The following ALOX5AP variants were observed in gnomAD, a reference collection of about 807,000 sequenced individuals.
The protein encoded by ALOX5AP is arachidonate 5-lipoxygenase-activating protein.
Under a neutral mutation model 18.5 loss-of-function variants are expected in ALOX5AP, and 9 were observed. The ratio of observed to expected loss-of-function variants is 0.49; its 90% CI spans 0.29 to 0.85. ALOX5AP has a LOEUF of 0.85. ALOX5AP is among the 40% of genes least tolerant of loss of function. ALOX5AP has a pLI of 0.08. For missense variants in ALOX5AP, 172 were observed against 202.5 expected, an observed-to-expected ratio of 0.85 and a Z score of 0.91; for synonymous variants, 81 against 78.6, an observed-to-expected ratio of 1.03 and a Z score of -0.16.
exon 1 of ALOX5AP, chr13:30,713,761 A>C: frequency 6.5e-7 from 1 of 1,535,636 alleles, no homozygotes; most frequent in Non-Finnish European, 8.7e-7. Flanking sequence ...CCTGGCATAC[A>C]CAGAAGACTC....
intron 1 of ALOX5AP, among the ~76,000 whole-genome samples, chr13:30,718,148 A>G (rs895677607): frequency 6.6e-6 from 1 of 151,560 alleles, no homozygotes; most frequent in African/African-American, 2.4e-5. Flanking sequence ...TAATAGAGAC[A>G]GGGTTTCTCC....
intron 3 of ALOX5AP, among the ~76,000 whole-genome samples, chr13:30,753,672 C>T (rs1406292770): frequency 6.6e-6 from 1 of 152,200 alleles, no homozygotes; most frequent in Non-Finnish European, 1.5e-5. Flanking sequence ...CCCAGAGGAA[C>T]AAGTGGCTTG....
At chr13:30,751,986 AT>A in intron 2 of ALOX5AP, 65 bp from the exon 3 acceptor site, 1 of 1,456,020 alleles carries the variant, frequency 6.9e-7, no homozygotes, top group South Asian at 1.2e-5. Context: ...CTTTCAGGTA[AT>A]TTTCAGACCA....
intron 1 of ALOX5AP, among the ~76,000 whole-genome samples, chr13:30,743,168 A>G (rs1016318013): frequency 2.6e-5 from 4 of 152,078 alleles, no homozygotes; most frequent in African/African-American, 9.7e-5. Context: ...CTCAATGGTC[A>G]TCTTCTTGAA....
intron 1 of ALOX5AP, among the ~76,000 whole-genome samples, chr13:30,741,879 C>G (rs1206277719): frequency 2.1e-5 from 3 of 144,992 alleles, no homozygotes; most frequent in Non-Finnish European, 4.5e-5. Flanking sequence ...TGGTTGACTC[C>G]AGGAATGCAG....
At chr13:30,752,618 A>AAATCAAC (rs1373694109) in intron 3 of ALOX5AP, among the ~76,000 whole-genome samples, 19 of 152,218 alleles carry the variant, frequency 1.2e-4, no homozygotes, top group African/African-American at 4.6e-4. Flanking sequence ...TTGGAAAGAC[A>AAATCAAC]AATCAACTTC....
In ALOX5AP at chr13:30,750,142, T is replaced by C. The variant is rs138280932; in HGVS notation, c.171-1910T>C. On this transcript the variant is annotated intron_variant, in intron 2 of 4. Transcript: ENST00000380490. ...GTGAACATTTGCATTTCTAACATGT[T>C]CTCGATGCTGCTGCCGCCTCTGGTC... Among the ~76,000 whole-genome samples, 20 of 152,262 alleles carry C rather than the reference T, an allele frequency of 1.3e-4. No individual in the cohort carries two copies. The East Asian group carries it at 3.7e-3, about 28-fold the overall frequency.
chr13:30,755,297 T>G (rs1456603731), intron 3 of ALOX5AP, among the ~76,000 whole-genome samples: 3 of 152,196 alleles, frequency 2.0e-5, no homozygotes, highest in Admixed American at 6.5e-5. Context: ...CATTGTGCTG[T>G]GGGGAGGCTC....
chr13:30,754,102 G>A (rs1951873116), intron 3 of ALOX5AP, among the ~76,000 whole-genome samples: 2 of 152,120 alleles, frequency 1.3e-5, no homozygotes. Flanking sequence ...AGCTGGGCGT[G>A]GTGGTGCATG....
At chr13:30,754,620 ATGT>A (rs1951877919) in intron 3 of ALOX5AP, among the ~76,000 whole-genome samples, 1 of 152,268 alleles carries the variant, frequency 6.6e-6, no homozygotes, top group African/African-American at 2.4e-5. Flanking sequence ...AGCGCAATAA[ATGT>A]TATTATTGAT....
chr13:30,738,627 G>T (rs1338346245), intron 1 of ALOX5AP, among the ~76,000 whole-genome samples: 1 of 152,196 alleles, frequency 6.6e-6, no homozygotes, highest in Non-Finnish European at 1.5e-5. Flanking sequence ...GCTTAGACAT[G>T]ATGCAAACCT....
At chr13:30,729,320 TGGAA>T (rs1951662594) in intron 1 of ALOX5AP, among the ~76,000 whole-genome samples, 1 of 152,220 alleles carries the variant, frequency 6.6e-6, no homozygotes, top group African/African-American at 2.4e-5. Context: ...TGTGATTTTT[TGGAA>T]GGGTCAAGGT....
At chr13:30,726,446 G>A (rs1369105946) in intron 1 of ALOX5AP, among the ~76,000 whole-genome samples, 1 of 152,156 alleles carries the variant, frequency 6.6e-6, no homozygotes, top group African/African-American at 2.4e-5. Context: ...TCACTGAGGA[G>A]GGCATATTCC....
At chr13:30,751,492 A>G (rs1951851177) in intron 2 of ALOX5AP, among the ~76,000 whole-genome samples, 1 of 152,216 alleles carries the variant, frequency 6.6e-6, no homozygotes, top group East Asian at 1.9e-4. Context: ...CTCTCCAGGG[A>G]GTGAGGACTG....
chr13:30,749,659 C>T (rs900616276), intron 2 of ALOX5AP, among the ~76,000 whole-genome samples: 3 of 152,158 alleles, frequency 2.0e-5, no homozygotes, highest in Non-Finnish European at 2.9e-5. Context: ...CCTACCGTGT[C>T]CATTAGATCA....
chr13:30,754,168 G>A (rs796285109), intron 3 of ALOX5AP, among the ~76,000 whole-genome samples: 3 of 152,328 alleles, frequency 2.0e-5, no homozygotes, highest in African/African-American at 7.2e-5. Flanking sequence ...AAACCTGGGA[G>A]GCGGAGGTTG....
chr13:30,724,711 G>A (rs1045492749), intron 1 of ALOX5AP, among the ~76,000 whole-genome samples: 1 of 152,184 alleles, frequency 6.6e-6, no homozygotes, highest in South Asian at 2.1e-4. Flanking sequence ...ATGGGCCACC[G>A]TGTTGTCTTT....
At position 30,759,367 on chromosome 13, in the gene ALOX5AP, A is replaced by G. The variant is rs17245666; in HGVS notation, c.323+3342A>G. ...CAATGACTGCCAACTCTTGAGGCCA[A>G]TGAACTCAGGTTACCCCACTCCTCC... On this transcript the variant is annotated intron_variant, in intron 4 of 4. Transcript: ENST00000380490. Among the ~76,000 whole-genome samples the G allele has an allele frequency of 1.7e-3, 262 of 152,274 alleles. 1 individual carries two copies. Among genetic ancestry groups the G allele is most frequent in the Middle Eastern group, 6.8e-3 (2 of 294 alleles).
intron 1 of ALOX5AP, among the ~76,000 whole-genome samples, chr13:30,742,055 C>T (rs184226838): frequency 6.6e-6 from 1 of 152,148 alleles, no homozygotes; most frequent in African/African-American, 2.4e-5. Flanking sequence ...TGGCGGCTCA[C>T]GCCTGTAATC....
Sources: allele counts gnomAD v4.1 joint callset (sites outside exome capture counted in the v4.1 genomes callset), GRCh38; gene constraint gnomAD v4.1.1; transcripts MANE v1.5; gene names NCBI Gene and HGNC (gene_info 2026-07-23, HGNC 2026-07-21).